The following CRYM variants were observed in gnomAD, a reference collection of about 807,000 sequenced individuals.
CRYM encodes the protein ketimine reductase mu-crystallin.
CRYM carries 18 observed loss-of-function variants against 32.9 expected under a neutral mutation model. The observed-to-expected ratio is 0.55, with a 90% CI of 0.38 to 0.81. The LOEUF (loss-of-function observed/expected upper bound fraction) is 0.81, where lower values mean the gene tolerates loss of function less well. CRYM is among the 30% of genes least tolerant of loss of function. The pLI is 0.00. For synonymous variants in CRYM, 153 were observed against 152.4 expected (o/e 1.00, Z -0.03); for missense variants, 337 against 393.5 (o/e 0.86, Z 1.21).
chr16:21,263,844 C>T (rs74572791), intron 5 of CRYM, among the ~76,000 whole-genome samples: 2,553 of 152,310 alleles, frequency 0.017, 79 homozygotes, highest in African/African-American at 0.058. Flanking sequence ...CAGGCCCTTC[C>T]GAAGGGGACA....
At chr16:21,286,290 T>A (rs1023702720) in intron 1 of CRYM, among the ~76,000 whole-genome samples, 3 of 151,640 alleles carry the variant, frequency 2.0e-5, no homozygotes, top group Non-Finnish European at 4.4e-5. Flanking sequence ...TGATCTCAGC[T>A]CACTGGAACC....
At chr16:21,263,394 C>T (rs1280754477) in intron 5 of CRYM, among the ~76,000 whole-genome samples, 1 of 151,966 alleles carries the variant, frequency 6.6e-6, no homozygotes, top group Non-Finnish European at 1.5e-5. Flanking sequence ...GAGTGAGACT[C>T]CATCTCAAAA....
intron 3 of CRYM, among the ~76,000 whole-genome samples, chr16:21,272,591 A>G (rs2093377816): frequency 6.6e-6 from 1 of 152,032 alleles, no homozygotes; most frequent in African/African-American, 2.4e-5. Flanking sequence ...AGATCAAGAC[A>G]TACTGCTTTA....
intron 6 of CRYM, 110 bp from the exon 7 acceptor site, chr16:21,261,448 A>T (rs2093354284): frequency 2.1e-5 from 3 of 144,514 alleles, no homozygotes; most frequent in East Asian, 1.5e-4. Context: ...AAATTTGATT[A>T]AAAAAAAAAA....
chr16:21,297,616 T>A (rs1190084437), intron 1 of CRYM, among the ~76,000 whole-genome samples: 1 of 152,204 alleles, frequency 6.6e-6, no homozygotes, highest in Non-Finnish European at 1.5e-5. Flanking sequence ...TTGATACATA[T>A]TTTAAAAATG....
chr16:21,273,468 G>A (rs1036400240), intron 3 of CRYM, among the ~76,000 whole-genome samples: 1 of 152,204 alleles, frequency 6.6e-6, no homozygotes, highest in Non-Finnish European at 1.5e-5. Flanking sequence ...TTTTATTAAT[G>A]CAACAAAGCA....
chr16:21,293,937 C>T (rs984108965), intron 1 of CRYM, among the ~76,000 whole-genome samples: 1 of 152,128 alleles, frequency 6.6e-6, no homozygotes, highest in African/African-American at 2.4e-5. Context: ...TGTCCCTCAC[C>T]TGCCAAAGGA....
At chr16:21,291,796 C>A (rs532727787) in intron 1 of CRYM, among the ~76,000 whole-genome samples, 3 of 152,032 alleles carry the variant, frequency 2.0e-5, no homozygotes, top group Admixed American at 6.6e-5. Context: ...TTTGAGAATT[C>A]TTTGTACGTT....
chr16:21,298,106 G>T (rs1960825343), intron 1 of CRYM, among the ~76,000 whole-genome samples: 1 of 152,206 alleles, frequency 6.6e-6, no homozygotes, highest in Admixed American at 6.5e-5. Context: ...TTAGGTGTTT[G>T]TCCAGTATTT....
chr16:21,301,659 A>T (rs1960939874), intron 1 of CRYM, among the ~76,000 whole-genome samples: 1 of 152,208 alleles, frequency 6.6e-6, no homozygotes. Flanking sequence ...CACCGCCGAC[A>T]GCTTCACCCG....
chr16:21,264,868 C>T (rs1229790882), intron 5 of CRYM, among the ~76,000 whole-genome samples: 5 of 152,116 alleles, frequency 3.3e-5, no homozygotes, highest in Non-Finnish European at 7.4e-5. Flanking sequence ...CCCCATCCTC[C>T]AGTGTAAGGA....
chr16:21,278,009 C>A, intron 1 of CRYM, 73 bp downstream of exon 1: 1 of 1,469,312 alleles, frequency 6.8e-7, no homozygotes, highest in Non-Finnish European at 9.1e-7. Context: ...CTTCTCCCAC[C>A]CCTCCTCTTC....
chr16:21,300,027 C>T (rs1960873459), intron 1 of CRYM: 1 of 152,120 alleles, frequency 6.6e-6, no homozygotes, highest in African/African-American at 2.4e-5. Flanking sequence ...AGTAAGAGAG[C>T]ACTAATGGTG....
At chr16:21,276,001 C>G (rs1470005890) in intron 2 of CRYM, among the ~76,000 whole-genome samples, 1 of 152,168 alleles carries the variant, frequency 6.6e-6, no homozygotes, top group Non-Finnish European at 1.5e-5. Flanking sequence ...GGCCATGAAA[C>G]TCTTAGTGGC....
At chr16:21,299,973 G>A (rs928935486) in intron 1 of CRYM, 2 of 152,206 alleles carry the variant, frequency 1.3e-5, no homozygotes, top group Non-Finnish European at 2.9e-5. Flanking sequence ...AAGGACTGGG[G>A]AAAGGTGATG....
upstream of CRYM, among the ~76,000 whole-genome samples, chr16:21,280,058 T>C (rs2093395515): frequency 6.6e-6 from 1 of 152,188 alleles, no homozygotes; most frequent in South Asian, 2.1e-4. Context: ...AGCATTAATA[T>C]TACATCACAT....
At chr16:21,287,738 G>A (rs929296461) in intron 1 of CRYM, among the ~76,000 whole-genome samples, 9 of 152,222 alleles carry the variant, frequency 5.9e-5, no homozygotes, top group African/African-American at 2.2e-4. Context: ...TGGGAGGGTG[G>A]CACACTGGAG....
intron 1 of CRYM, among the ~76,000 whole-genome samples, chr16:21,293,531 A>T (rs917389714): frequency 6.6e-6 from 1 of 152,218 alleles, no homozygotes; most frequent in Non-Finnish European, 1.5e-5. Context: ...ATAAATAAAG[A>T]GGCTTGAAAA....
intron 1 of CRYM, among the ~76,000 whole-genome samples, chr16:21,295,028 A>C (rs1461632218): frequency 6.6e-6 from 1 of 152,132 alleles, no homozygotes; most frequent in Non-Finnish European, 1.5e-5. Flanking sequence ...ATAGTATTCC[A>C]TGGTATATAT....
Sources: gnomAD v4.1 joint callset for allele counts (sites outside exome capture counted in the v4.1 genomes callset) on GRCh38, gnomAD v4.1.1 for gene constraint, MANE v1.5 for transcripts, NCBI Gene and HGNC (gene_info 2026-07-23, HGNC 2026-07-21) for gene names.